The following TRMT11 variants were observed in gnomAD, a reference collection of about 807,000 sequenced individuals.
TRMT11 encodes tRNA (guanine(10)-N(2))-methyltransferase TRMT11.
In TRMT11, 53 loss-of-function variants were observed where a neutral mutation model predicts 62.8. The ratio of observed to expected loss-of-function variants is 0.84; its 90% CI spans 0.68 to 1.06. The LOEUF (loss-of-function observed/expected upper bound fraction) is 1.06, where lower values mean the gene tolerates loss of function less well. Ranked by LOEUF, TRMT11 falls within the 50% of genes least tolerant of loss-of-function variation. TRMT11 has a pLI of 0.00. For missense variants in TRMT11, 556 were observed against 553.4 expected (o/e 1.00, Z -0.05); for synonymous variants, 188 against 190.3 (o/e 0.99, Z 0.10).
chr6:126,244,776 C>T, the TRMT11 span, among the ~76,000 whole-genome samples: 5 of 152,232 alleles, frequency 3.3e-5, no homozygotes, highest in East Asian at 1.9e-4. Context: ...ACAGGTGACA[C>T]GCAAGGTGCA....
chr6:125,996,855 A>G (rs906885433), intron 3 of TRMT11, among the ~76,000 whole-genome samples: 6 of 152,168 alleles, frequency 3.9e-5, no homozygotes, highest in African/African-American at 1.4e-4. Flanking sequence ...TTGTTGTATT[A>G]CGGAATTGGA....
At chr6:126,001,471 T>C (rs1562247170) in intron 7 of TRMT11, among the ~76,000 whole-genome samples, 1 of 152,130 alleles carries the variant, frequency 6.6e-6, no homozygotes, top group African/African-American at 2.4e-5. Context: ...TCAGTGACTT[T>C]TGTGGCCTTC....
chr6:126,049,385 G>C (rs1776148426), intron 16 of TRMT11, among the ~76,000 whole-genome samples: 1 of 152,100 alleles, frequency 6.6e-6, no homozygotes. Flanking sequence ...TGTTGAAGCA[G>C]GCAAATAAAT....
chr6:126,047,473 A>G (rs1776092429), intron 16 of TRMT11, among the ~76,000 whole-genome samples: 2 of 151,908 alleles, frequency 1.3e-5, no homozygotes, highest in Non-Finnish European at 2.9e-5. Flanking sequence ...CTCCCCATCC[A>G]TCCCGCTGAG....
chr6:126,059,323 C>G (rs567254387), intron 17 of TRMT11, among the ~76,000 whole-genome samples: 21 of 152,212 alleles, frequency 1.4e-4, no homozygotes, highest in Non-Finnish European at 2.2e-4. Context: ...CCTGAAAGAT[C>G]CCAGAGTTGA....
the TRMT11 span, among the ~76,000 whole-genome samples, chr6:126,256,851 G>C: frequency 6.6e-6 from 1 of 151,950 alleles, no homozygotes; most frequent in Non-Finnish European, 1.5e-5. Flanking sequence ...AAGGTAGCCT[G>C]TGTTTTTTTG....
chr6:126,044,495 T>C (rs1775988660), intron 16 of TRMT11, among the ~76,000 whole-genome samples: 1 of 152,176 alleles, frequency 6.6e-6, no homozygotes, highest in Non-Finnish European at 1.5e-5. Context: ...GCATGATGCC[T>C]CCATTTTTCT....
intron 3 of TRMT11, 128 bp from the exon 4 acceptor site, chr6:125,997,925 C>A (rs957792323): frequency 9.1e-6 from 6 of 662,576 alleles, no homozygotes; most frequent in African/African-American, 1.8e-5. Context: ...ATAACCGATT[C>A]ATTTATACTT....
At chr6:126,232,281 C>T in the TRMT11 span, among the ~76,000 whole-genome samples, 2 of 151,980 alleles carry the variant, frequency 1.3e-5, no homozygotes, top group African/African-American at 4.8e-5. Flanking sequence ...GTAAGAGATT[C>T]CCAGGGAGCA....
the TRMT11 span, among the ~76,000 whole-genome samples, chr6:126,262,312 C>G: frequency 2.0e-5 from 3 of 152,114 alleles, no homozygotes; most frequent in African/African-American, 7.2e-5. Context: ...TTCATGTGGG[C>G]AGGGCATTGA....
intron 12 of TRMT11, among the ~76,000 whole-genome samples, chr6:126,031,599 A>G (rs973608884): frequency 6.6e-6 from 1 of 152,178 alleles, no homozygotes; most frequent in Non-Finnish European, 1.5e-5. Context: ...ATACAGAAGC[A>G]TGAGAGGCAT....
rs141319887 is a variant in TRMT11, at chr6:125,996,078, G to A, written c.212+38G>A. On this transcript the variant is annotated intron_variant, in intron 3 of 12. Coordinates refer to ENST00000334379, the MANE Select transcript of TRMT11 (RefSeq NM_001031712.3). ...TATGTTCTCCTGCATGAATATACTG[G>A]TACTTCTCATAACCACTCAATCCTG... 8 of 1,368,336 alleles carry A rather than the reference G, an allele frequency of 5.8e-6. No homozygotes were observed. The South Asian group carries it at 9.3e-5, about 16-fold the overall frequency. The allele number at this position is 1,368,336 out of a possible 1,614,324, so 84.8% of individuals were successfully genotyped here.
intron 17 of TRMT11, among the ~76,000 whole-genome samples, chr6:126,094,635 CA>C (rs1236647576): frequency 6.6e-6 from 1 of 152,110 alleles, no homozygotes; most frequent in African/African-American, 2.4e-5. Flanking sequence ...TAGAGAATGC[CA>C]AGGATTTCGT....
At chr6:126,110,783 T>C (rs916757137) in intron 17 of TRMT11, among the ~76,000 whole-genome samples, 2 of 152,148 alleles carry the variant, frequency 1.3e-5, no homozygotes, top group African/African-American at 4.8e-5. Flanking sequence ...TTCACTGTGA[T>C]CACATTGCTA....
At chr6:126,142,473 CTT>C (rs1446035150) in intron 21 of TRMT11, among the ~76,000 whole-genome samples, 1 of 151,868 alleles carries the variant, frequency 6.6e-6, no homozygotes, top group Non-Finnish European at 1.5e-5. Flanking sequence ...TTAATTGTAA[CTT>C]TTGATTTGTA....
At chr6:126,083,612 T>G (rs1777184039) in intron 17 of TRMT11, among the ~76,000 whole-genome samples, 2 of 152,082 alleles carry the variant, frequency 1.3e-5, no homozygotes, top group African/African-American at 4.8e-5. Context: ...CTTTGCCATT[T>G]TTGTTTTTGT....
chr6:125,994,485 A>G (rs1791143419), intron 2 of TRMT11, among the ~76,000 whole-genome samples: 1 of 152,110 alleles, frequency 6.6e-6, no homozygotes, highest in Non-Finnish European at 1.5e-5. Flanking sequence ...ATTTCATTTT[A>G]TTCAGGTTGC....
chr6:126,207,009 A>G (rs555895238), downstream of TRMT11, among the ~76,000 whole-genome samples: 1 of 152,200 alleles, frequency 6.6e-6, no homozygotes, highest in Non-Finnish European at 1.5e-5. Context: ...TAACTCTTAC[A>G]TTCATGATGT....
In TRMT11 at chr6:126,193,052, G is replaced by A. The variant is rs146482074; in HGVS notation, n.144-5747G>A. 5.5e-3 allele frequency among the ~76,000 whole-genome samples: 840 copies of A among 152,156 alleles called. 1 individual carries two copies. The highest frequency in any genetic ancestry group is 8.9e-3 in the Non-Finnish European group (604 of 67,972). ...CCTGGTAAAATTCAGCAGTGAATTC[G>A]TCATGTTCTGGGCTTTCTTTGATGG... On this transcript the variant is annotated intron_variant and non_coding_transcript_variant, in intron 1 of 3. Transcript: ENST00000444229.
Sources: allele counts gnomAD v4.1 joint callset (sites outside exome capture counted in the v4.1 genomes callset), GRCh38; gene constraint gnomAD v4.1.1; transcripts MANE v1.5; gene names NCBI Gene and HGNC (gene_info 2026-07-23, HGNC 2026-07-21).